CLIC5: variants seen among roughly 807,000 people sequenced by gnomAD.
The protein encoded by CLIC5 is CLIC family member 5, also known as chloride intracellular channel protein 5.
A neutral mutation model predicts 24.7 loss-of-function variants in CLIC5; 20 were observed. The ratio of observed to expected loss-of-function variants is 0.81; its 90% CI spans 0.57 to 1.18. The LOEUF (loss-of-function observed/expected upper bound fraction) is 1.18, where lower values mean the gene tolerates loss of function less well. Among genes scored for constraint, CLIC5 ranks in the 50% most tolerant of loss-of-function variants. The pLI, the probability that CLIC5 is intolerant of heterozygous loss-of-function variation, is 0.00. For synonymous variants in CLIC5, 159 were observed against 135.6 expected, an observed-to-expected ratio of 1.17 and a Z score of -1.20; for missense variants, 341 against 326.1, an observed-to-expected ratio of 1.05 and a Z score of -0.35.
At chr6:46,034,562 A>G (rs977310026) in intron 1 of CLIC5, among the ~76,000 whole-genome samples, 1 of 152,328 alleles carries the variant, frequency 6.6e-6, no homozygotes. Context: ...TGATTGCACC[A>G]TTGCACTCCA....
rs185769388 is a variant in CLIC5 at position 45,901,531 on chromosome 6, C to T, written c.*1557G>A. 1.3e-5 allele frequency: 2 copies of T among 152,228 alleles called. No homozygotes were observed. Among genetic ancestry groups the T allele is most frequent in the East Asian group, 1.9e-4 (1 of 5,158 alleles). The allele number at this position is 152,228 out of a possible 1,614,324, so 9.4% of individuals were successfully genotyped here. A position where few individuals can be genotyped will look rare whatever the true frequency, so the allele number is the denominator to read the frequency against. On this transcript the variant is annotated 3_prime_UTR_variant, in exon 6 of 6. Coordinates refer to ENST00000339561, the MANE Select transcript of CLIC5 (RefSeq NM_016929.5). ...AAATGAGCCAAGTCCAGGGGCTTTC[C>T]AGCACTTGGGAGCCTCACCCTTTAC...
At chr6:45,886,383 C>T (rs541509633) in intron 6 of CLIC5, among the ~76,000 whole-genome samples, 8 of 152,330 alleles carry the variant, frequency 5.3e-5, no homozygotes, top group East Asian at 1.9e-4. Flanking sequence ...TGCACAAGTG[C>T]GGCAGGTCTC....
chr6:45,914,504 G>A, intron 4 of CLIC5, 95 bp from the exon 5 acceptor site: 1 of 1,345,018 alleles, frequency 7.4e-7, no homozygotes, highest in Non-Finnish European at 9.6e-7. Flanking sequence ...CTAGAATCCT[G>A]TCCCCTTCAT....
the CLIC5 span, among the ~76,000 whole-genome samples, chr6:46,126,635 G>T: frequency 6.6e-6 from 1 of 152,084 alleles, no homozygotes; most frequent in East Asian, 1.9e-4. Flanking sequence ...GATTCATAAG[G>T]TCCTTTTCCC....
intron 1 of CLIC5, among the ~76,000 whole-genome samples, chr6:46,021,110 C>T (rs1381295802): frequency 8.4e-6 from 1 of 118,350 alleles, no homozygotes; most frequent in Non-Finnish European, 1.9e-5. Context: ...AAAAAAAAAA[C>T]CCAGCTAAAA....
At chr6:45,928,714 T>C (rs1181107177) in intron 4 of CLIC5, among the ~76,000 whole-genome samples, 1 of 152,178 alleles carries the variant, frequency 6.6e-6, no homozygotes, top group Non-Finnish European at 1.5e-5. Flanking sequence ...TAAGGAGGTA[T>C]GTGATGGCCT....
chr6:45,933,785 G>C (rs1222410232), intron 4 of CLIC5, among the ~76,000 whole-genome samples: 1 of 152,194 alleles, frequency 6.6e-6, no homozygotes, highest in Non-Finnish European at 1.5e-5. Context: ...GGCGACACAC[G>C]CCTGAGGCTG....
intron 1 of CLIC5, among the ~76,000 whole-genome samples, chr6:46,047,842 A>ATT (rs34833897): frequency 0.75 from 112,909 of 151,368 alleles, 42,349 homozygotes; most frequent in Admixed American, 0.81. Flanking sequence ...TTTCAAAAAA[A>ATT]ACAGAAAAAA....
Position 45,903,222 on chromosome 6 carries a change from G to A in CLIC5, c.622C>T (p.Pro208Ser). Residue 208 changes from proline (P) to serine (S), a missense_variant, in exon 6 of 6, where the codon CCG becomes TCG. By Grantham distance (74) the Pro-to-Ser change is moderately conservative (BLOSUM62 -1). Coordinates refer to ENST00000339561, the MANE Select transcript of CLIC5 (RefSeq NM_016929.5). Reference protein sequence around the residue: ...VAKKYRNYDIPAEMTGLWRYL... With the variant: ...VAKKYRNYDISAEMTGLWRYL... ...CGCCACAGGCCTGTCATCTCAGCCG[G>A]GATATCATAGTTGCGGTATTTCTTG... 6.2e-7 allele frequency: 1 copy of A among 1,607,850 alleles called. No homozygotes were observed. The highest frequency in any genetic ancestry group is 8.5e-7 in the Non-Finnish European group (1 of 1,177,142).
chr6:46,082,311 C>A (rs1762941243), upstream of CLIC5, among the ~76,000 whole-genome samples: 1 of 152,182 alleles, frequency 6.6e-6, no homozygotes, highest in African/African-American at 2.4e-5. Flanking sequence ...CAAATTAGGT[C>A]CCTCTCTTAT....
chr6:46,117,552 G>C, the CLIC5 span, among the ~76,000 whole-genome samples: 1 of 152,214 alleles, frequency 6.6e-6, no homozygotes, highest in Non-Finnish European at 1.5e-5. Context: ...TAGGATCCAA[G>C]GGAGGGTTTG....
At chr6:45,942,203 C>T (rs907940116) in intron 3 of CLIC5, among the ~76,000 whole-genome samples, 4 of 152,134 alleles carry the variant, frequency 2.6e-5, no homozygotes, top group African/African-American at 9.7e-5. Context: ...TATTTGTGTG[C>T]AGTAATAACA....
In CLIC5 at chr6:46,011,537, T is replaced by C. The variant is rs540843092; in HGVS notation, c.63+3943A>G. Among the ~76,000 whole-genome samples, 150 of 152,250 alleles carry C rather than the reference T, an allele frequency of 9.9e-4. 1 individual carries two copies. The highest frequency in any genetic ancestry group is 6.8e-3 in the Middle Eastern group (2 of 294). On this transcript the variant is annotated intron_variant, in intron 1 of 5. Transcript: ENST00000339561. Reference sequence around the variant, plus strand: ...AAGTTTTAAAATCTCTCTCAATGGATTGAATAGGTAGTGAAGGCTGAGAAC... The same window carrying C: ...AAGTTTTAAAATCTCTCTCAATGGACTGAATAGGTAGTGAAGGCTGAGAAC...
At chr6:45,943,792 T>C (rs1209222412) in intron 3 of CLIC5, among the ~76,000 whole-genome samples, 1 of 152,158 alleles carries the variant, frequency 6.6e-6, no homozygotes, top group Admixed American at 6.5e-5. Flanking sequence ...TTCAGGGGGC[T>C]GTGGTGGTGT....
At chr6:45,897,832 C>A (rs1355302975), downstream of CLIC5, among the ~76,000 whole-genome samples, 1 of 151,998 alleles carries the variant, frequency 6.6e-6, no homozygotes, top group Non-Finnish European at 1.5e-5. Context: ...TTAAGGAATT[C>A]TTTAAATCAT....
chr6:46,004,427 G>A (rs1352720698), intron 1 of CLIC5, among the ~76,000 whole-genome samples: 1 of 152,168 alleles, frequency 6.6e-6, no homozygotes, highest in Admixed American at 6.5e-5. Flanking sequence ...CTACCATGAT[G>A]TCCTCCAACT....
At chr6:46,019,766 A>T (rs1034954508), upstream of CLIC5, among the ~76,000 whole-genome samples, 1 of 149,568 alleles carries the variant, frequency 6.7e-6, no homozygotes, top group African/African-American at 2.4e-5. Flanking sequence ...ACATATATTA[A>T]TGTAAGTCTA....
At chr6:46,091,719 C>T in the CLIC5 span, among the ~76,000 whole-genome samples, 1 of 152,132 alleles carries the variant, frequency 6.6e-6, no homozygotes, top group Admixed American at 6.5e-5. Flanking sequence ...AATATAATTC[C>T]ATTGTGTATA....
downstream of CLIC5, among the ~76,000 whole-genome samples, chr6:45,896,218 C>G (rs1475572187): frequency 6.6e-6 from 1 of 152,154 alleles, no homozygotes; most frequent in Non-Finnish European, 1.5e-5. Context: ...TAGACGAATA[C>G]CTGATGGCCA....
Sources: gnomAD v4.1 joint callset for allele counts (sites outside exome capture counted in the v4.1 genomes callset) on GRCh38, gnomAD v4.1.1 for gene constraint, MANE v1.5 for transcripts, NCBI Gene and HGNC (gene_info 2026-07-23, HGNC 2026-07-21) for gene names.